C6orf163: variants seen among roughly 807,000 people sequenced by gnomAD.
C6orf163 encodes the protein uncharacterized protein C6orf163.
C6orf163 carries 22 observed loss-of-function variants against 28.4 expected under a neutral mutation model. That is an observed-to-expected ratio of 0.78 (90% CI 0.55 to 1.11). The LOEUF is 1.11. Ranked by LOEUF, C6orf163 falls within the 50% of genes least tolerant of loss-of-function variation. C6orf163 has a pLI of 0.00. For synonymous variants in C6orf163, 110 were observed against 123.6 expected, an observed-to-expected ratio of 0.89 and a Z score of 0.73; for missense variants, 342 against 389.1, an observed-to-expected ratio of 0.88 and a Z score of 1.02.
intron 3 of C6orf163, among the ~76,000 whole-genome samples, chr6:87,354,362 T>C (rs1315872701): frequency 6.6e-6 from 1 of 152,212 alleles, no homozygotes; most frequent in African/African-American, 2.4e-5. Flanking sequence ...TCTGGAGTCA[T>C]TTATGACAGA....
intron 3 of C6orf163, among the ~76,000 whole-genome samples, chr6:87,355,947 G>A (rs1355790313): frequency 6.6e-6 from 1 of 152,134 alleles, no homozygotes; most frequent in Non-Finnish European, 1.5e-5. Flanking sequence ...GCTTACTAAA[G>A]CAGAATTGCA....
At chr6:87,358,242 C>T (rs1015241021) in intron 4 of C6orf163, 3 of 151,768 alleles carry the variant, frequency 2.0e-5, no homozygotes, top group Non-Finnish European at 2.9e-5. Context: ...TACAGAAAAC[C>T]GTTTTGTGGA....
chr6:87,346,984 T>A (rs1364245364), intron 1 of C6orf163, among the ~76,000 whole-genome samples: 2 of 152,186 alleles, frequency 1.3e-5, no homozygotes, highest in African/African-American at 2.4e-5. Flanking sequence ...GGTACAGACC[T>A]TATGTACACT....
chr6:87,348,761 G>A (rs1334108384), intron 1 of C6orf163, 51 bp from the exon 2 acceptor site: 41 of 1,529,480 alleles, frequency 2.7e-5, no homozygotes, highest in Non-Finnish European at 3.4e-5. Flanking sequence ...GGAAAGGAAA[G>A]CCAGGAAGCA....
intron 3 of C6orf163, among the ~76,000 whole-genome samples, chr6:87,352,701 A>G (rs1324229698): frequency 6.6e-6 from 1 of 152,352 alleles, no homozygotes; most frequent in East Asian, 1.9e-4. Context: ...AAATGTATAT[A>G]TGCCATGATG....
At chr6:87,354,160 G>C (rs771336433) in intron 3 of C6orf163, among the ~76,000 whole-genome samples, 2 of 152,088 alleles carry the variant, frequency 1.3e-5, no homozygotes, top group East Asian at 3.9e-4. Context: ...CACCCAGCAG[G>C]GTTGCTTGAT....
At chr6:87,348,120 A>G in intron 1 of C6orf163, 2 of 840,574 alleles carry the variant, frequency 2.4e-6, no homozygotes, top group Non-Finnish European at 2.9e-6. Flanking sequence ...GCGACACTGC[A>G]CTGCAGGCTG....
At chr6:87,356,158 A>G (rs1777498461) in intron 3 of C6orf163, 143 bp from the exon 4 acceptor site, 5 of 708,118 alleles carry the variant, frequency 7.1e-6, no homozygotes, top group Non-Finnish European at 1.2e-5. Flanking sequence ...TTTCCATATC[A>G]TACACACTCT....
chr6:87,356,252 T>G (rs1346896267), intron 3 of C6orf163, 49 bp from the exon 4 acceptor site: 1 of 1,483,170 alleles, frequency 6.7e-7, no homozygotes, highest in Non-Finnish European at 9.2e-7. Context: ...ATGTGCAGTT[T>G]TAAACATTAA....
At chr6:87,351,231 A>G (rs1418735703) in intron 3 of C6orf163, among the ~76,000 whole-genome samples, 2 of 152,238 alleles carry the variant, frequency 1.3e-5, no homozygotes, top group African/African-American at 4.8e-5. Flanking sequence ...CATTTTGGTC[A>G]AGGGAGGGAC....
chr6:87,356,195 T>TA, intron 3 of C6orf163, 106 bp from the exon 4 acceptor site: 1 of 905,344 alleles, frequency 1.1e-6, no homozygotes, highest in East Asian at 2.6e-5. Flanking sequence ...TGTTAACAGG[T>TA]ACACTTGCTA....
chr6:87,362,666 G>A (rs1039984828), intron 4 of C6orf163, among the ~76,000 whole-genome samples: 3 of 152,162 alleles, frequency 2.0e-5, no homozygotes, highest in Non-Finnish European at 2.9e-5. Flanking sequence ...TGGCTACGGA[G>A]GCTAAAGAAA....
rs1322474706 is a variant in C6orf163 at position 87,345,094 on chromosome 6, TTAAC to T, written c.-3_1del. The T allele has an allele frequency of 2.6e-6, 4 of 1,520,682 alleles. No individual in the cohort carries two copies. Among genetic ancestry groups the T allele is most frequent in the South Asian group, 2.5e-5 (2 of 80,460 alleles). The allele number at this position is 1,520,682 out of a possible 1,614,324, so 94.2% of individuals were successfully genotyped here. A position where few individuals can be genotyped will look rare whatever the true frequency, so the allele number is the denominator to read the frequency against. ...GTAAGTAGGAGAAGACATCTGAAATTTAACTATGATCAGAAATTCAGATTACAAA... is the reference window on the plus strand; with the variant it reads ...GTAAGTAGGAGAAGACATCTGAAATTTATGATCAGAAATTCAGATTACAAA... On this transcript the variant is annotated 5_prime_UTR_variant, in exon 1 of 5. Transcript: ENST00000388923.
At chr6:87,350,572 A>T (rs1777398246) in intron 3 of C6orf163, 71 bp downstream of exon 3, 2 of 870,802 alleles carry the variant, frequency 2.3e-6, no homozygotes, top group Admixed American at 5.3e-5. Flanking sequence ...TGGCAAGGGA[A>T]TGAGAAAAAA....
intron 4 of C6orf163, among the ~76,000 whole-genome samples, chr6:87,362,908 T>C (rs1582112046): frequency 6.6e-6 from 1 of 152,164 alleles, no homozygotes; most frequent in African/African-American, 2.4e-5. Context: ...TCAAACTATG[T>C]TAACTGCAGA....
In C6orf163 at chr6:87,365,172, A is replaced by G. The variant is rs375745961; in HGVS notation, c.766A>G (p.Asn256Asp). The G allele has an allele frequency of 4.5e-6, 7 of 1,551,900 alleles. No homozygotes were observed. Among genetic ancestry groups the G allele is most frequent in the East Asian group, 2.4e-5 (1 of 40,924 alleles). ...TGGCAATATGATGGATAAACTGGCT[A>G]ACACCCAGGGGGAGCTGCTGTCTAT... is the stretch of plus-strand genomic sequence containing the variant. ...TLGNMMDKLA[N>D]TQGELLSIAK... The change falls in exon 5 of 5, where the codon AAC becomes GAC. Residue 256 changes from asparagine (N) to aspartate (D), a missense_variant. Physicochemically the swap from Asn to Asp is conservative, Grantham distance 23 (BLOSUM62 1). Coordinates refer to ENST00000388923, the MANE Select transcript of C6orf163 (RefSeq NM_001010868.3).
intron 2 of C6orf163, among the ~76,000 whole-genome samples, chr6:87,349,847 T>C (rs1777383784): frequency 6.6e-6 from 1 of 152,258 alleles, no homozygotes; most frequent in Non-Finnish European, 1.5e-5. Context: ...CCATCAATTA[T>C]ACACCCTAAT....
At chr6:87,350,583 A>G (rs1777398861) in intron 3 of C6orf163, 82 bp downstream of exon 3, 3 of 791,186 alleles carry the variant, frequency 3.8e-6, no homozygotes, top group Non-Finnish European at 4.0e-6. Context: ...TGAGAAAAAA[A>G]TAATAAGGAA....
rs1777623790 is a variant in C6orf163 at position 87,364,899 on chromosome 6, G to T, written c.555-62G>T. On this transcript the variant is annotated intron_variant, in intron 4 of 4. Coordinates refer to ENST00000388923, the MANE Select transcript of C6orf163 (RefSeq NM_001010868.3). ...TGCTCATTCATCTGCGTTTAAAGAT[G>T]AAATTATTTTGTTTTTAGTGGCCAA... 6 of 1,275,774 alleles carry T rather than the reference G, an allele frequency of 4.7e-6. 1 individual carries two copies. The South Asian group carries it at 9.0e-5, about 19-fold the overall frequency. 79.0% of individuals were successfully genotyped at this position (1,275,774 alleles called of 1,614,324 possible). A position where few individuals can be genotyped will look rare whatever the true frequency, so the allele number is the denominator to read the frequency against.
Sources: allele counts gnomAD v4.1 joint callset (sites outside exome capture counted in the v4.1 genomes callset), GRCh38; gene constraint gnomAD v4.1.1; transcripts MANE v1.5; gene names NCBI Gene and HGNC (gene_info 2026-07-23, HGNC 2026-07-21).